The following LPCAT3 variants were observed in gnomAD, a reference collection of about 807,000 sequenced individuals.
The protein encoded by LPCAT3 is lysophospholipid acyltransferase 5.
In LPCAT3, 21 loss-of-function variants were observed where a neutral mutation model predicts 63.4. That is an observed-to-expected ratio of 0.33 (90% CI 0.23 to 0.48). The LOEUF is 0.48. Ranked by LOEUF, LPCAT3 falls within the 20% of genes least tolerant of loss-of-function variation. LPCAT3 has a pLI of 0.99. For synonymous variants in LPCAT3, 242 were observed against 227.5 expected (o/e 1.06, Z -0.58); for missense variants, 451 against 590.6 (o/e 0.76, Z 2.45).
intron 1 of LPCAT3, among the ~76,000 whole-genome samples, chr12:6,996,344 A>G (rs1200773946): frequency 6.6e-6 from 1 of 152,180 alleles, no homozygotes; most frequent in Non-Finnish European, 1.5e-5. Context: ...TCTTATCTAG[A>G]AGTGTATACA....
Position 6,982,680 on chromosome 12 carries a change from T to TG in LPCAT3, c.361dup (p.Gln121ProfsTer38). 1 of 1,610,666 alleles carries TG rather than the reference T, an allele frequency of 6.2e-7. No homozygotes were observed. The highest frequency in any genetic ancestry group is 1.1e-5 in the South Asian group (1 of 90,996). ...TGCTAAGGGAAAGACGTTTACCATC[T>TG]GGAAGCAAAAGGTAGTGAGGACGGC... On this transcript the variant is annotated frameshift_variant, in exon 3 of 13. Transcript: ENST00000261407. LOFTEE classifies it high-confidence loss of function.
At chr12:7,006,702 G>A (rs781990223) in intron 1 of LPCAT3, among the ~76,000 whole-genome samples, 9 of 152,196 alleles carry the variant, frequency 5.9e-5, no homozygotes, top group Non-Finnish European at 1.2e-4. Context: ...GGCCCCATAT[G>A]TTTATACTCC....
At chr12:7,006,455 A>G (rs1946725584) in intron 1 of LPCAT3, among the ~76,000 whole-genome samples, 1 of 152,048 alleles carries the variant, frequency 6.6e-6, no homozygotes. Flanking sequence ...CTGACCTCAA[A>G]TGATCCGCCC....
At position 7,018,267 on chromosome 12, in the gene LPCAT3, T is replaced by C. The variant is rs782606238; in HGVS notation, c.151+7A>G. 4 of 1,593,802 alleles carry C rather than the reference T, an allele frequency of 2.5e-6. No homozygotes were observed. Among genetic ancestry groups the C allele is most frequent in the East Asian group, 4.5e-5 (2 of 43,974 alleles). ...CGAGGGGCGGAGGGAGGCAGGAGGG[T>C]CCTTACCCAGGAAGATGGAGATGAT... On this transcript the variant is annotated splice_region_variant and intron_variant, in intron 1 of 12. Coordinates refer to ENST00000261407, the MANE Select transcript of LPCAT3 (RefSeq NM_005768.6). The surrounding 1 kb of genome is among the most constrained non-coding windows in gnomAD (Gnocchi z 4.9).
At position 6,976,242 on chromosome 12, in the gene LPCAT3, T is replaced by A. The variant is rs1255766816; in HGVS notation, c.*662A>T. 6.4e-6 allele frequency: 1 copy of A among 156,936 alleles called. No homozygotes were observed. Among genetic ancestry groups the A allele is most frequent in the African/African-American group, 2.4e-5 (1 of 41,478 alleles). 9.7% of individuals were successfully genotyped at this position (156,936 alleles called of 1,614,324 possible). A position where few individuals can be genotyped will look rare whatever the true frequency, so the allele number is the denominator to read the frequency against. On this transcript the variant is annotated 3_prime_UTR_variant, in exon 13 of 13. Transcript: ENST00000261407. ...TAATACAGTTCCAAGGTAGAAAAAGTGGAGCAGGCAGGGCCTTGCACCCCT... is the reference window on the plus strand; with the variant it reads ...TAATACAGTTCCAAGGTAGAAAAAGAGGAGCAGGCAGGGCCTTGCACCCCT...
intron 1 of LPCAT3, among the ~76,000 whole-genome samples, chr12:7,012,666 G>A (rs1946771326): frequency 6.6e-6 from 1 of 152,082 alleles, no homozygotes; most frequent in Non-Finnish European, 1.5e-5. Flanking sequence ...TACCAATACT[G>A]TCTCCTAAAA....
chr12:6,978,533 C>T (rs782532544), intron 8 of LPCAT3, 26 bp from the exon 9 acceptor site: 25 of 1,611,626 alleles, frequency 1.6e-5, no homozygotes, highest in Non-Finnish European at 2.0e-5. Flanking sequence ...TCAGTTAGGG[C>T]TCTTGCCACT....
At chr12:6,979,778 C>T (rs782562474) in intron 6 of LPCAT3, 199 bp from the exon 7 acceptor site, 43 of 591,296 alleles carry the variant, frequency 7.3e-5, no homozygotes, top group South Asian at 4.2e-4. Context: ...GACTGCAAAC[C>T]TCTTAAGAGT....
chr12:7,014,600 C>T (rs781832931), intron 1 of LPCAT3, among the ~76,000 whole-genome samples: 4 of 152,134 alleles, frequency 2.6e-5, no homozygotes, highest in Non-Finnish European at 4.4e-5. Context: ...ATTGCAGCCT[C>T]GGCTGGGCGC....
At position 7,018,115 on chromosome 12, in the gene LPCAT3, T is replaced by C. The variant is rs183320746; in HGVS notation, c.151+159A>G. 4.6e-5 allele frequency among the ~76,000 whole-genome samples: 7 copies of C among 152,338 alleles called. No individual in the cohort carries two copies. The East Asian group carries it at 1.4e-3, about 29-fold the overall frequency. On this transcript the variant is annotated intron_variant, in intron 1 of 12. Coordinates refer to ENST00000261407, the MANE Select transcript of LPCAT3 (RefSeq NM_005768.6). The surrounding 1 kb of genome is among the most constrained non-coding windows in gnomAD (Gnocchi z 4.9). ...CGCCCCAGACTCGAGACAGGACTTC[T>C]GTCTTCCCTCAGTAGCTGTTGGTGT...
At chr12:7,002,019 G>A (rs1555156549) in intron 1 of LPCAT3, among the ~76,000 whole-genome samples, 1 of 152,204 alleles carries the variant, frequency 6.6e-6, no homozygotes, top group African/African-American at 2.4e-5. Flanking sequence ...CAACTGTTTC[G>A]GTCCAGGAGT....
rs1555154095 is a variant in LPCAT3, at chr12:6,981,652, A to T, written c.461-20T>A. 2 of 1,422,742 alleles carry T rather than the reference A, an allele frequency of 1.4e-6. No homozygotes were observed. The highest frequency in any genetic ancestry group is 1.9e-6 in the Non-Finnish European group (2 of 1,061,334). 88.1% of individuals were successfully genotyped at this position (1,422,742 alleles called of 1,614,324 possible). ...CCAAACCTGAGCAGAGAGAGAACGG[A>T]TGGGTAGGGTGGTGGGAGAGGACAC... On this transcript the variant is annotated intron_variant, in intron 4 of 12. Coordinates refer to ENST00000261407, the MANE Select transcript of LPCAT3 (RefSeq NM_005768.6).
At chr12:7,001,581 G>T in intron 1 of LPCAT3, 1 of 450,352 alleles carries the variant, frequency 2.2e-6, no homozygotes, top group Non-Finnish European at 4.5e-6. Context: ...CTGGCTGTGA[G>T]GCTGAGGCAG....
At chr12:6,998,992 C>A (rs1163844652) in intron 1 of LPCAT3, among the ~76,000 whole-genome samples, 1 of 152,246 alleles carries the variant, frequency 6.6e-6, no homozygotes, top group Non-Finnish European at 1.5e-5. Flanking sequence ...TGCCTTGGCA[C>A]TTGGCAGTGA....
chr12:6,986,775 G>A (rs1946530348), intron 1 of LPCAT3, among the ~76,000 whole-genome samples: 1 of 124,438 alleles, frequency 8.0e-6, no homozygotes, highest in Admixed American at 9.8e-5. Flanking sequence ...CCAGCCTGGT[G>A]ACAGAGTGAG....
chr12:7,001,509 G>C, intron 1 of LPCAT3: 1 of 456,200 alleles, frequency 2.2e-6, no homozygotes, highest in Non-Finnish European at 4.4e-6. Context: ...AGAGTCCCCA[G>C]ATTAGTTCCG....
At chr12:7,010,755 G>T (rs945304161) in intron 1 of LPCAT3, among the ~76,000 whole-genome samples, 1 of 152,092 alleles carries the variant, frequency 6.6e-6, no homozygotes, top group Non-Finnish European at 1.5e-5. Flanking sequence ...CATGTTTAAC[G>T]ATAAAGTTAT....
rs1363840975 is a variant in LPCAT3 at position 6,979,513 on chromosome 12, G to C, written c.744C>G (p.Ser248Arg). 5 of 1,614,052 alleles carry C rather than the reference G, an allele frequency of 3.1e-6. No homozygotes were observed. Among genetic ancestry groups the C allele is most frequent in the Non-Finnish European group, 4.2e-6 (5 of 1,179,900 alleles). ...GGAGATAGTCTTCTGTGATGTGGGG[G>C]CTGAGCAGTGTGTAGCCCACTAGGT... The part of the protein sequence containing the change: ...LFYLVGYTLL[S>R]PHITEDYLLT... The change falls in exon 7 of 13, where the codon AGC (serine) becomes AGG (arginine). Residue 248 changes from serine to arginine, a missense_variant. By Grantham distance (110) the Ser-to-Arg change is moderately radical (BLOSUM62 -1). Transcript: ENST00000261407.
chr12:6,988,029 C>T (rs1555154996), intron 1 of LPCAT3: 2 of 384,896 alleles, frequency 5.2e-6, no homozygotes, highest in East Asian at 7.4e-5. Flanking sequence ...CCTTAGAAAC[C>T]ATAACCTTAT....
Sources: gnomAD v4.1 joint callset for allele counts (sites outside exome capture counted in the v4.1 genomes callset) on GRCh38, gnomAD v4.1.1 for gene constraint, Gnocchi (gnomAD v3.1) non-coding constraint, MANE v1.5 for transcripts, NCBI Gene and HGNC (gene_info 2026-07-23, HGNC 2026-07-21) for gene names.